The following GATAD1 variants were observed in gnomAD, a reference collection of about 807,000 sequenced individuals.
GATAD1 encodes the protein GATA zinc finger domain containing 1, also known as GATA zinc finger domain-containing protein 1.
In GATAD1, 12 loss-of-function variants were observed where a neutral mutation model predicts 26.5. The ratio of observed to expected loss-of-function variants is 0.45; its 90% confidence interval spans 0.29 to 0.73. The LOEUF is 0.73. GATAD1 is among the 30% of genes least tolerant of loss of function. The pLI is 0.10. For missense variants in GATAD1, 266 were observed against 342.1 expected (o/e 0.78, Z 1.75); for synonymous variants, 129 against 133.1 (o/e 0.97, Z 0.21).
chr7:92,462,492 A>T (rs1460517416), downstream of GATAD1, among the ~76,000 whole-genome samples: 4 of 152,216 alleles, frequency 2.6e-5, no homozygotes, highest in Non-Finnish European at 5.9e-5. Flanking sequence ...TTATGCTTTT[A>T]AAAATTTTGA....
chr7:92,462,477 A>G (rs1454022216), downstream of GATAD1, among the ~76,000 whole-genome samples: 1 of 152,224 alleles, frequency 6.6e-6, no homozygotes, highest in Non-Finnish European at 1.5e-5. Context: ...TCATTTTAAT[A>G]TTCTTTATGC....
intron 2 of GATAD1, 39 bp downstream of exon 2, chr7:92,448,916 G>A (rs1426393585): frequency 6.3e-7 from 1 of 1,586,854 alleles, no homozygotes. Flanking sequence ...CTGTAATGAC[G>A]TTGTGTGTAT....
the GATAD1 span, chr7:92,475,372 GTCC>G: frequency 6.6e-6 from 1 of 152,188 alleles, no homozygotes; most frequent in Non-Finnish European, 1.5e-5. Flanking sequence ...GTCCTGGAGT[GTCC>G]TCTATGGTCC....
the GATAD1 span, among the ~76,000 whole-genome samples, chr7:92,476,332 G>A: frequency 1.3e-5 from 2 of 152,146 alleles, no homozygotes; most frequent in Admixed American, 1.3e-4. Flanking sequence ...TTTTAGCAAA[G>A]CAGTTGCGCT....
chr7:92,492,049 C>A, the GATAD1 span, among the ~76,000 whole-genome samples: 3 of 152,140 alleles, frequency 2.0e-5, no homozygotes, highest in Non-Finnish European at 4.4e-5. Flanking sequence ...TATAATGTAA[C>A]AGTTCAAATA....
the GATAD1 span, chr7:92,487,402 C>G: frequency 1.1e-6 from 1 of 904,676 alleles, no homozygotes; most frequent in Non-Finnish European, 1.8e-6. Context: ...CCTGTTACAA[C>G]ATATGGAAAA....
chr7:92,478,867 A>T, the GATAD1 span, among the ~76,000 whole-genome samples: 22 of 152,296 alleles, frequency 1.4e-4, no homozygotes, highest in Admixed American at 1.1e-3. Context: ...ACCAAGTGTC[A>T]TGGCCCCCTC....
the GATAD1 span, chr7:92,494,486 C>T: frequency 2.8e-5 from 45 of 1,613,240 alleles, no homozygotes; most frequent in Non-Finnish European, 3.2e-5. Flanking sequence ...ATAATTATTA[C>T]CCTGTAAGCC....
At chr7:92,448,564 G>C (rs1227876310) in intron 1 of GATAD1, among the ~76,000 whole-genome samples, 188 bp from the exon 2 acceptor site, 1 of 152,172 alleles carries the variant, frequency 6.6e-6, no homozygotes, top group African/African-American at 2.4e-5. Context: ...GATTCCGGGT[G>C]CTGAACTTCC....
the GATAD1 span, among the ~76,000 whole-genome samples, chr7:92,467,326 A>T: frequency 6.6e-6 from 1 of 152,164 alleles, no homozygotes; most frequent in African/African-American, 2.4e-5. Flanking sequence ...ATAAAAAAAA[A>T]ATTATATACA....
chr7:92,491,475 G>C, the GATAD1 span: 2 of 1,612,262 alleles, frequency 1.2e-6, no homozygotes, highest in Non-Finnish European at 1.7e-6. Context: ...GACAGACTTA[G>C]GTCACTATCA....
the GATAD1 span, chr7:92,489,635 G>T: frequency 7.5e-7 from 1 of 1,327,358 alleles, no homozygotes; most frequent in South Asian, 1.2e-5. Context: ...TCGTTTATAA[G>T]TCAAAGAAAT....
At chr7:92,470,312 G>T in the GATAD1 span, 1 of 776,212 alleles carries the variant, frequency 1.3e-6, no homozygotes, top group Non-Finnish European at 2.4e-6. Flanking sequence ...CAGCGGCATG[G>T]AGGGGGTGCA....
At chr7:92,477,045 G>T in the GATAD1 span, among the ~76,000 whole-genome samples, 1 of 152,194 alleles carries the variant, frequency 6.6e-6, no homozygotes, top group African/African-American at 2.4e-5. Flanking sequence ...AGGAAAGATA[G>T]GGGTGCATGC....
the GATAD1 span, chr7:92,494,051 ATT>A: frequency 2.2e-6 from 1 of 464,132 alleles, no homozygotes; most frequent in Non-Finnish European, 3.9e-6. Flanking sequence ...GGTTTCTTGC[ATT>A]TTTTTTTCCC....
At chr7:92,449,067 A>C in intron 2 of GATAD1, 190 bp downstream of exon 2, 1 of 1,046,080 alleles carries the variant, frequency 9.6e-7, no homozygotes, top group Non-Finnish European at 1.3e-6. Context: ...AAAGTTAATA[A>C]TACTCTTTCC....
At chr7:92,487,034 A>T in the GATAD1 span, 1 of 154,304 alleles carries the variant, frequency 6.5e-6, no homozygotes, top group East Asian at 1.9e-4. Context: ...ATCAGTAGGT[A>T]ATAGGATATT....
In GATAD1 at chr7:92,454,621, G is replaced by A; in HGVS notation, c.555G>A (p.Leu185=). 6.2e-7 allele frequency: 1 copy of A among 1,613,346 alleles called. No individual in the cohort carries two copies. Among genetic ancestry groups the A allele is most frequent in the East Asian group, 2.2e-5 (1 of 44,854 alleles). The change falls in exon 4 of 5, where the codon CTG becomes CTA. Residue 185 remains leucine (L), a synonymous_variant. Coordinates refer to ENST00000287957, the MANE Select transcript of GATAD1 (RefSeq NM_021167.5). ...AGTATTGCGAGAAGAGTGCAGCACT[G>A]ACGTGGCTCATTCCTACCCTCTCTA... ...QDQYCEKSAA[L]TWLIPTLSSP...
the GATAD1 span, chr7:92,493,903 T>C: frequency 4.0e-6 from 1 of 249,794 alleles, no homozygotes; most frequent in East Asian, 1.0e-4. Context: ...CAAGGAAGAG[T>C]TGAAAAATTA....
Sources: allele counts gnomAD v4.1 joint callset (sites outside exome capture counted in the v4.1 genomes callset), GRCh38; gene constraint gnomAD v4.1.1; transcripts MANE v1.5; gene names NCBI Gene and HGNC (gene_info 2026-07-23, HGNC 2026-07-21).